Variants in POLB observed in about 807,000 individuals in gnomAD.
POLB encodes the protein DNA polymerase beta.
Under a neutral mutation model 52.7 loss-of-function variants are expected in POLB, and 37 were observed. That is an observed-to-expected ratio of 0.70 (90% CI 0.54 to 0.92). POLB has a LOEUF of 0.92. Among genes scored for constraint, POLB ranks in the 40% least tolerant of loss-of-function variants. POLB has a pLI of 0.00. For synonymous variants in POLB, 138 were observed against 131.3 expected, an observed-to-expected ratio of 1.05 and a Z score of -0.35; for missense variants, 313 against 400.8, an observed-to-expected ratio of 0.78 and a Z score of 1.87.
chr8:42,352,425 T>G (rs1423245582), intron 5 of POLB, 94 bp from the exon 6 acceptor site: 2 of 810,256 alleles, frequency 2.5e-6, no homozygotes, highest in African/African-American at 3.4e-5. Context: ...AGGTCTTGTT[T>G]AGCTTAATAG....
intron 3 of POLB, among the ~76,000 whole-genome samples, chr8:42,346,576 T>C (rs1006696873): frequency 2.6e-5 from 4 of 152,008 alleles, no homozygotes; most frequent in Middle Eastern, 3.4e-3. Flanking sequence ...ATTTCTTTTG[T>C]AGAGATTGGA....
chr8:42,371,754 TTTC>T lies in POLB; in HGVS notation c.*104_*106del, dbSNP rs1455891171. On this transcript the variant is annotated 3_prime_UTR_variant, in exon 14 of 14. Transcript: ENST00000265421. ...GGTCTTTGGTGTTTTTAAATGATTG[TTTC>T]TTCTTCATGCTTTTGCTTGCAATGT... 1.4e-6 allele frequency: 1 copy of T among 721,980 alleles called. No homozygotes were observed. The highest frequency in any genetic ancestry group is 2.5e-6 in the Non-Finnish European group (1 of 401,782). 44.7% of individuals were successfully genotyped at this position (721,980 alleles called of 1,614,324 possible).
chr8:42,353,433 A>G (rs1823108253), intron 6 of POLB, among the ~76,000 whole-genome samples: 1 of 151,954 alleles, frequency 6.6e-6, no homozygotes, highest in Admixed American at 6.6e-5. Flanking sequence ...ATAAAATTTT[A>G]GGCAATAAAA....
At chr8:42,343,927 G>A (rs1320690038) in intron 2 of POLB, among the ~76,000 whole-genome samples, 2 of 152,014 alleles carry the variant, frequency 1.3e-5, no homozygotes, top group Non-Finnish European at 2.9e-5. Context: ...TCAGGAGTTC[G>A]GGATGAGCCT....
At chr8:42,360,237 G>T (rs957843790) in intron 9 of POLB, among the ~76,000 whole-genome samples, 1 of 151,788 alleles carries the variant, frequency 6.6e-6, no homozygotes. Context: ...GATTACACGT[G>T]TGAGCCACCT....
chr8:42,345,162 A>G (rs1822531779), intron 3 of POLB, 143 bp downstream of exon 3: 1 of 631,224 alleles, frequency 1.6e-6, no homozygotes. Context: ...AATAACATTC[A>G]TGCTGTTTCA....
intron 7 of POLB, 61 bp downstream of exon 7, chr8:42,355,628 C>G: frequency 1.1e-6 from 1 of 952,062 alleles, no homozygotes; most frequent in Non-Finnish European, 1.7e-6. Flanking sequence ...TATAGACATT[C>G]TTTTATACAC....
Position 42,338,595 on chromosome 8 carries a change from A to G in POLB, c.-30A>G, listed in dbSNP as rs369833174. On this transcript the variant is annotated 5_prime_UTR_variant, in exon 1 of 14. Coordinates refer to ENST00000265421, the MANE Select transcript of POLB (RefSeq NM_002690.3). ...AGAGGGCTCTAGTCCCTGGTTCTGA[A>G]CACTCTGGGGTTCTCGGGTGCAGGC... 238 of 1,607,586 alleles carry G rather than the reference A, an allele frequency of 1.5e-4. No individual in the cohort carries two copies. The highest frequency in any genetic ancestry group is 6.2e-4 in the Admixed American group (37 of 59,966).
At chr8:42,351,449 G>T (rs889384654) in intron 5 of POLB, among the ~76,000 whole-genome samples, 11 of 152,208 alleles carry the variant, frequency 7.2e-5, no homozygotes, top group African/African-American at 2.2e-4. Context: ...ATATGTGTGT[G>T]TATGCATTTC....
At chr8:42,343,854 A>G (rs994777605) in intron 2 of POLB, among the ~76,000 whole-genome samples, 6 of 152,176 alleles carry the variant, frequency 3.9e-5, no homozygotes, top group South Asian at 4.1e-4. Context: ...GACGTAGGCC[A>G]GGCGTGGTGG....
chr8:42,362,087 C>G lies in POLB; in HGVS notation c.622-525C>G, dbSNP rs564279511. ...ACCATCCTGCCCAACATGGTGAAAC[C>G]CCGTCTCCACTAAAAATACAAAATT... On this transcript the variant is annotated intron_variant, in intron 10 of 13. Coordinates refer to ENST00000265421, the MANE Select transcript of POLB (RefSeq NM_002690.3). Among the ~76,000 whole-genome samples the G allele has an allele frequency of 4.6e-5, 7 of 152,040 alleles. No individual in the cohort carries two copies. The East Asian group carries it at 1.4e-3, about 29-fold the overall frequency.
chr8:42,362,044 C>T (rs906840411), intron 10 of POLB, among the ~76,000 whole-genome samples: 3 of 152,076 alleles, frequency 2.0e-5, no homozygotes, highest in Non-Finnish European at 4.4e-5. Flanking sequence ...AGGTGGATCA[C>T]GAGGTCAGGA....
At chr8:42,351,762 G>A (rs1822988517) in intron 5 of POLB, among the ~76,000 whole-genome samples, 1 of 152,172 alleles carries the variant, frequency 6.6e-6, no homozygotes, top group South Asian at 2.1e-4. Context: ...GCTTTGTGCA[G>A]TGTCCTCTAA....
chr8:42,363,121 C>CA (rs57571391), intron 11 of POLB, among the ~76,000 whole-genome samples: 107 of 113,370 alleles, frequency 9.4e-4, no homozygotes, highest in African/African-American at 1.2e-3. Context: ...GAAACTCCGC[C>CA]AAAAAAAAAA....
chr8:42,371,436 TAGTGAC>T, intron 13 of POLB, 121 bp from the exon 14 acceptor site: 1 of 443,652 alleles, frequency 2.3e-6, no homozygotes, highest in Non-Finnish European at 4.0e-6. Flanking sequence ...TTTTTTTTTT[TAGTGAC>T]TTGGTTACCA....
chr8:42,342,463 C>T, intron 2 of POLB: 2 of 1,202,152 alleles, frequency 1.7e-6, no homozygotes, highest in Admixed American at 1.7e-5. Context: ...ATTGATATCT[C>T]TGTTTGTTAT....
At chr8:42,349,798 G>A (rs1822858856) in intron 4 of POLB, among the ~76,000 whole-genome samples, 1 of 152,144 alleles carries the variant, frequency 6.6e-6, no homozygotes. Flanking sequence ...CCTTTTAAAA[G>A]TATTGGATAA....
chr8:42,362,268 TAAAATAA>T (rs1563405058), intron 10 of POLB, among the ~76,000 whole-genome samples: 1 of 83,696 alleles, frequency 1.2e-5, no homozygotes, highest in East Asian at 2.9e-4. Flanking sequence ...AAAAATAAAA[TAAAATAA>T]AATAAAATAA....
At chr8:42,364,382 C>T (rs951981468) in intron 11 of POLB, among the ~76,000 whole-genome samples, 1 of 152,074 alleles carries the variant, frequency 6.6e-6, no homozygotes, top group Non-Finnish European at 1.5e-5. Flanking sequence ...GTGCGCACCA[C>T]CATACCTGGC....
Sources: gnomAD v4.1 joint callset for allele counts (sites outside exome capture counted in the v4.1 genomes callset) on GRCh38, gnomAD v4.1.1 for gene constraint, MANE v1.5 for transcripts, NCBI Gene and HGNC (gene_info 2026-07-23, HGNC 2026-07-21) for gene names.